GTPBP4: variants seen among roughly 807,000 people sequenced by gnomAD.
The protein encoded by GTPBP4 is GTP-binding protein 4.
In GTPBP4, 15 loss-of-function variants were observed where a neutral mutation model predicts 81.7. The observed-to-expected ratio is 0.18, with a 90% CI of 0.12 to 0.28. GTPBP4 has a LOEUF of 0.28. GTPBP4 is among the 10% of genes least tolerant of loss of function. GTPBP4 has a pLI of 1.00. For synonymous variants in GTPBP4, 272 were observed against 274.6 expected, an observed-to-expected ratio of 0.99 and a Z score of 0.09; for missense variants, 847 against 793.8, an observed-to-expected ratio of 1.07 and a Z score of -0.81.
chr10:988,765 C>G (rs1347625331), intron 1 of GTPBP4: 2 of 514,034 alleles, frequency 3.9e-6, no homozygotes, highest in East Asian at 3.3e-5. Flanking sequence ...GTGGTCCACC[C>G]AAAGACTGAG....
chr10:1,009,639 A>G, intron 12 of GTPBP4, 59 bp downstream of exon 12: 1 of 920,466 alleles, frequency 1.1e-6, no homozygotes, highest in South Asian at 1.3e-5. Context: ...AGTATTTCAG[A>G]AAATGGGGGA....
chr10:1,011,065 CTGCATCCCTCCATCCTGA>C (rs1214994759), intron 13 of GTPBP4, among the ~76,000 whole-genome samples: 11 of 105,536 alleles, frequency 1.0e-4, no homozygotes, highest in South Asian at 9.3e-4. Flanking sequence ...CTTCATTCTC[CTGCATCCCTCCATCCTGA>C]CTGTGCCTCC....
chr10:1,009,447 T>C, intron 11 of GTPBP4, 82 bp from the exon 12 acceptor site: 4 of 917,552 alleles, frequency 4.4e-6, no homozygotes, highest in South Asian at 1.3e-5. Context: ...GGAGAAAAGA[T>C]TGTTTCAAGT....
At chr10:1,003,086 C>A (rs1831666758) in intron 8 of GTPBP4, among the ~76,000 whole-genome samples, 1 of 152,224 alleles carries the variant, frequency 6.6e-6, no homozygotes. Flanking sequence ...ATCTTATAGG[C>A]TTCCTTCATT....
rs376132106 is a variant in GTPBP4 at position 1,005,844 on chromosome 10, A to G, written c.939A>G (p.Glu313=). The change falls in exon 9 of 17, where the codon GAA becomes GAG. Residue 313 remains glutamate (E), a synonymous_variant. Transcript: ENST00000360803. The part of the protein sequence containing the change: ...DQKIFTDLQS[E]GFPVIETSTL... ...AAATATTTACAGATTTGCAGTCTGAAGGATTCCCTGTAATAGAGACCAGCA... is the reference window on the plus strand; with the variant it reads ...AAATATTTACAGATTTGCAGTCTGAGGGATTCCCTGTAATAGAGACCAGCA... 7.5e-6 allele frequency: 12 copies of G among 1,602,372 alleles called. No individual in the cohort carries two copies. In the African/African-American group the frequency reaches 1.2e-4, roughly 16 times the overall value.
chr10:993,761 G>A (rs1831490377), intron 2 of GTPBP4, among the ~76,000 whole-genome samples: 1 of 152,098 alleles, frequency 6.6e-6, no homozygotes, highest in African/African-American at 2.4e-5. Flanking sequence ...TTTGGCTTCT[G>A]TGACAGTACT....
intron 4 of GTPBP4, 182 bp from the exon 5 acceptor site, chr10:997,026 A>G: frequency 1.7e-6 from 1 of 578,904 alleles, no homozygotes; most frequent in Admixed American, 3.3e-5. Context: ...GGAGATAGCA[A>G]TTGAATATAC....
chr10:1,012,399 C>A, intron 13 of GTPBP4, 66 bp from the exon 14 acceptor site: 1 of 1,112,538 alleles, frequency 9.0e-7, no homozygotes, highest in Non-Finnish European at 1.3e-6. Context: ...ACACACTCTG[C>A]CACACTCACT....
chr10:1,005,296 C>T (rs1831707519), intron 8 of GTPBP4, among the ~76,000 whole-genome samples: 1 of 152,180 alleles, frequency 6.6e-6, no homozygotes, highest in Non-Finnish European at 1.5e-5. Flanking sequence ...CAGGCGGCCG[C>T]CACCACGCCT....
intron 5 of GTPBP4, among the ~76,000 whole-genome samples, chr10:997,704 G>T (rs183114000): frequency 6.3e-4 from 96 of 152,320 alleles, no homozygotes; most frequent in South Asian, 2.9e-3. Context: ...GCCTGTCCTG[G>T]AGTGGCTATG....
At position 1,000,972 on chromosome 10, in the gene GTPBP4, T is replaced by C. The variant is rs1831620069; in HGVS notation, c.871T>C (p.Cys291Arg). ...GCCTCTCATAGTTGTAGCCAACAAA[T>C]GTGATGTGAAGAGAATAGCTGAACT... is the stretch of plus-strand genomic sequence containing the variant. The part of the protein sequence containing the change: ...NKPLIVVANK[C>R]DVKRIAELSE... The change falls in exon 8 of 17, where the codon TGT (cysteine) becomes CGT (arginine). Residue 291 changes from cysteine to arginine, a missense_variant. Physicochemically the swap from Cys to Arg is radical, Grantham distance 180. Transcript: ENST00000360803. The C allele has an allele frequency of 1.2e-6, 2 of 1,612,284 alleles. No individual in the cohort carries two copies. Among genetic ancestry groups the C allele is most frequent in the Non-Finnish European group, 8.5e-7 (1 of 1,178,308 alleles).
intron 1 of GTPBP4, among the ~76,000 whole-genome samples, chr10:991,987 G>A (rs530159900): frequency 1.3e-4 from 19 of 150,858 alleles, no homozygotes; most frequent in Admixed American, 2.6e-4. Flanking sequence ...GAGCCACCGC[G>A]CCCGGCCGGT....
At chr10:1,010,329 A>G in intron 12 of GTPBP4, 91 bp from the exon 13 acceptor site, 8 of 662,138 alleles carry the variant, frequency 1.2e-5, no homozygotes, top group Admixed American at 2.3e-5. Flanking sequence ...GGAGTCGTTG[A>G]TTTGCCGTCA....
intron 10 of GTPBP4, chr10:1,007,933 G>T: frequency 1.9e-6 from 1 of 517,788 alleles, no homozygotes; most frequent in Non-Finnish European, 3.8e-6. Flanking sequence ...TGTTACTTTT[G>T]TATTACAAAG....
chr10:1,002,653 T>C (rs755278504), intron 8 of GTPBP4, among the ~76,000 whole-genome samples: 8 of 152,214 alleles, frequency 5.3e-5, no homozygotes, highest in Admixed American at 1.3e-4. Context: ...TTCTCCCTTA[T>C]TTCTGAAGGA....
chr10:1,002,203 G>A (rs7075050), intron 8 of GTPBP4, among the ~76,000 whole-genome samples: 76,254 of 152,060 alleles, frequency 0.5, 19,428 homozygotes, highest in South Asian at 0.61. Context: ...GATTATAGGC[G>A]TGAGCCACTG....
chr10:1,004,092 A>G (rs997383190), intron 8 of GTPBP4, among the ~76,000 whole-genome samples: 1 of 151,914 alleles, frequency 6.6e-6, no homozygotes, highest in African/African-American at 2.4e-5. Flanking sequence ...CGCACTCTGG[A>G]GGTTTGAGCC....
intron 8 of GTPBP4, among the ~76,000 whole-genome samples, chr10:1,005,075 C>T (rs1453788231): frequency 6.6e-6 from 1 of 152,178 alleles, no homozygotes; most frequent in East Asian, 1.9e-4. Context: ...GGAGAACCTC[C>T]TCCTGGGTCC....
At chr10:1,003,354 C>G (rs1230695145) in intron 8 of GTPBP4, among the ~76,000 whole-genome samples, 1 of 152,128 alleles carries the variant, frequency 6.6e-6, no homozygotes, top group Non-Finnish European at 1.5e-5. Context: ...GAGTTTCCTT[C>G]AAAAAAATTA....
Sources: gnomAD v4.1 joint callset for allele counts (sites outside exome capture counted in the v4.1 genomes callset) on GRCh38, gnomAD v4.1.1 for gene constraint, MANE v1.5 for transcripts, NCBI Gene and HGNC (gene_info 2026-07-23, HGNC 2026-07-21) for gene names.